Variants in TIAM2 observed in about 807,000 individuals in gnomAD.
TIAM2 encodes the protein TIAM Rac1 associated GEF 2.
In TIAM2, 80 loss-of-function variants were observed where a neutral mutation model predicts 152.9. The observed-to-expected ratio is 0.52, with a 90% CI of 0.44 to 0.63. TIAM2 has a LOEUF of 0.63. Ranked by LOEUF, TIAM2 falls within the 30% of genes least tolerant of loss-of-function variation. The pLI is 0.00. For synonymous variants in TIAM2, 804 were observed against 838.0 expected, an observed-to-expected ratio of 0.96 and a Z score of 0.70; for missense variants, 1,965 against 2,120.1, an observed-to-expected ratio of 0.93 and a Z score of 1.44.
At chr6:155,193,692 A>G (rs1781264590) in intron 14 of TIAM2, among the ~76,000 whole-genome samples, 1 of 152,162 alleles carries the variant, frequency 6.6e-6, no homozygotes, top group Admixed American at 6.5e-5. Flanking sequence ...GACGAGTTGT[A>G]TGTGTGCTTC....
At chr6:155,243,968 G>A (rs749917223) in intron 16 of TIAM2, 43 bp from the exon 17 acceptor site, 7 of 1,575,024 alleles carry the variant, frequency 4.4e-6, no homozygotes, top group Non-Finnish European at 6.1e-6. Flanking sequence ...TGGGTATTTT[G>A]GAGACTAAAG....
intron 1 of TIAM2, among the ~76,000 whole-genome samples, chr6:155,009,933 A>G (rs1306762019): frequency 4.0e-5 from 6 of 150,854 alleles, no homozygotes; most frequent in Non-Finnish European, 8.9e-5. Flanking sequence ...GCTCACTGCA[A>G]CCTCCACCTC....
chr6:155,244,530 A>C lies in TIAM2; in HGVS notation c.3418-128A>C, dbSNP rs1783212380. On this transcript the variant is annotated intron_variant, in intron 17 of 26. Coordinates refer to ENST00000682666, the MANE Select transcript of TIAM2 (RefSeq NM_012454.4). ...CCATAATGAATGTGCTGTCTTCTTA[A>C]AGGATTTACTTTCTGTCTGCTTTTC... The C allele has an allele frequency of 2.6e-6, 3 of 1,174,726 alleles. No individual in the cohort carries two copies. In the South Asian group the frequency reaches 4.8e-5, roughly 19 times the overall value. 72.8% of individuals were successfully genotyped at this position (1,174,726 alleles called of 1,614,324 possible). A position where few individuals can be genotyped will look rare whatever the true frequency, so the allele number is the denominator to read the frequency against.
At chr6:155,030,627 T>G (rs1249449639) in intron 1 of TIAM2, among the ~76,000 whole-genome samples, 1 of 152,160 alleles carries the variant, frequency 6.6e-6, no homozygotes, top group Admixed American at 6.5e-5. Context: ...TTTGATTGGT[T>G]TCCTCATGTG....
At chr6:155,028,828 GTT>G (rs1776710780) in intron 1 of TIAM2, among the ~76,000 whole-genome samples, 1 of 131,518 alleles carries the variant, frequency 7.6e-6, no homozygotes, top group Non-Finnish European at 1.5e-5. Flanking sequence ...TATATACTGT[GTT>G]ATATATATAC....
chr6:155,044,644 G>A (rs138387780), intron 1 of TIAM2, among the ~76,000 whole-genome samples: 3,932 of 152,018 alleles, frequency 0.026, 171 homozygotes, highest in African/African-American at 0.091. Flanking sequence ...GTGAAACCCC[G>A]TCTCTACTAA....
At position 155,240,699 on chromosome 6, in the gene TIAM2, C is replaced by G; in HGVS notation, c.3338C>G (p.Ser1113Cys). 1 of 1,611,648 alleles carries G rather than the reference C, an allele frequency of 6.2e-7. No homozygotes were observed. The highest frequency in any genetic ancestry group is 8.5e-7 in the Non-Finnish European group (1 of 1,179,290). ...VIQELVDTEK[S>C]YVKDLSCLFE... ...CAGGAGCTTGTGGACACAGAGAAGT[C>G]CTACGTGAAGGTAAGGGAAGAGCTG... The change falls in exon 16 of 27, where the codon TCC becomes TGC. Residue 1113 changes from serine to cysteine, a missense_variant. Transcript: ENST00000682666.
At chr6:155,112,882 T>G in intron 2 of TIAM2, among the ~76,000 whole-genome samples, 1 of 137,266 alleles carries the variant, frequency 7.3e-6, no homozygotes, top group Admixed American at 7.1e-5. Flanking sequence ...CCTCCTCCCC[T>G]ACCACCCCCC....
intron 1 of TIAM2, among the ~76,000 whole-genome samples, chr6:155,023,798 G>A (rs1053882479): frequency 6.6e-6 from 1 of 152,008 alleles, no homozygotes; most frequent in South Asian, 2.1e-4. Context: ...TAAATTGTGC[G>A]CTCCGTAAAC....
At chr6:155,254,362 T>TGGAAGCACGATGAAC (rs1783868083) in intron 25 of TIAM2, 57 bp from the exon 26 acceptor site, 1 of 1,584,374 alleles carries the variant, frequency 6.3e-7, no homozygotes, top group Non-Finnish European at 8.6e-7. Flanking sequence ...GGGCGTGGAA[T>TGGAAGCACGATGAAC]GGAAGCACGA....
intron 1 of TIAM2, among the ~76,000 whole-genome samples, chr6:155,051,779 G>C (rs1777324225): frequency 6.6e-6 from 1 of 151,960 alleles, no homozygotes; most frequent in Admixed American, 6.6e-5. Flanking sequence ...TAAGTAGCTG[G>C]GATTACAGGC....
At chr6:155,180,006 G>A (rs1270278275) in intron 12 of TIAM2, among the ~76,000 whole-genome samples, 6 of 152,112 alleles carry the variant, frequency 3.9e-5, no homozygotes, top group South Asian at 2.1e-4. Context: ...TCAGCTGGGC[G>A]CCGTGGCTCA....
At chr6:155,025,773 A>AT (rs1041834315) in intron 1 of TIAM2, among the ~76,000 whole-genome samples, 4 of 151,796 alleles carry the variant, frequency 2.6e-5, no homozygotes, top group Admixed American at 2.0e-4. Context: ...AAAAAAATAG[A>AT]TTTTTTCATA....
rs1781036460 is a variant in TIAM2, at chr6:155,186,009, G to A, written c.3064+2509G>A. Among the ~76,000 whole-genome samples, 1 of 152,174 alleles carries A rather than the reference G, an allele frequency of 6.6e-6. No homozygotes were observed. Among genetic ancestry groups the A allele is most frequent in the African/African-American group, 2.4e-5 (1 of 41,420 alleles). On this transcript the variant is annotated intron_variant, in intron 14 of 26. Transcript: ENST00000682666. This position sits in a 1 kb window ranked among gnomAD's most constrained non-coding sequence, Gnocchi z 4.5. ...TTGTGAAGGAAGTTACATGCCTTTG[G>A]GCAAACATCTCAGAAGGAAGTCTTC... is the stretch of plus-strand genomic sequence containing the variant.
At chr6:155,211,169 C>T in intron 14 of TIAM2, 35 bp from the exon 15 acceptor site, 1 of 1,594,208 alleles carries the variant, frequency 6.3e-7, no homozygotes, top group Non-Finnish European at 8.6e-7. Flanking sequence ...TGCAAATGGC[C>T]AAACTCATAT....
chr6:155,197,465 A>G (rs1352840744), intron 14 of TIAM2, among the ~76,000 whole-genome samples: 1 of 152,156 alleles, frequency 6.6e-6, no homozygotes, highest in African/African-American at 2.4e-5. Flanking sequence ...TTAATTACCC[A>G]TGACCCCGAA....
At chr6:155,040,998 C>T (rs573442239) in intron 1 of TIAM2, among the ~76,000 whole-genome samples, 33 of 152,198 alleles carry the variant, frequency 2.2e-4, no homozygotes, top group Admixed American at 3.9e-4. Flanking sequence ...AGGGCAGCCA[C>T]CATTCAGGGT....
intron 9 of TIAM2, among the ~76,000 whole-genome samples, chr6:155,166,945 C>T (rs1338212519): frequency 6.6e-6 from 1 of 152,174 alleles, no homozygotes; most frequent in Non-Finnish European, 1.5e-5. Flanking sequence ...TTTTCAATAT[C>T]ATTGGAAAGA....
intron 16 of TIAM2, among the ~76,000 whole-genome samples, chr6:155,241,716 G>A (rs77489720): frequency 2.7e-4 from 41 of 152,262 alleles, no homozygotes; most frequent in Non-Finnish European, 2.6e-4. Context: ...GGAAAGTTAG[G>A]AGAGATGACA....
Sources: allele counts gnomAD v4.1 joint callset (sites outside exome capture counted in the v4.1 genomes callset), GRCh38; gene constraint gnomAD v4.1.1; non-coding constraint Gnocchi (gnomAD v3.1); transcripts MANE v1.5; gene names NCBI Gene and HGNC (gene_info 2026-07-23, HGNC 2026-07-21).